Variants in MTG1 observed in about 807,000 individuals in gnomAD.
MTG1 encodes the protein mitochondrial ribosome-associated GTPase 1.
Under a neutral mutation model 39.5 loss-of-function variants are expected in MTG1, and 30 were observed. The ratio of observed to expected loss-of-function variants is 0.76; its 90% CI spans 0.57 to 1.03. The LOEUF (loss-of-function observed/expected upper bound fraction) is 1.03. MTG1 is among the 50% of genes least tolerant of loss of function. MTG1 has a pLI of 0.00. For synonymous variants in MTG1, 217 were observed against 179.0 expected (o/e 1.21, Z -1.69); for missense variants, 513 against 447.4 (o/e 1.15, Z -1.32).
At chr10:133,395,408 G>A (rs1849767534) in intron 1 of MTG1, among the ~76,000 whole-genome samples, 1 of 152,094 alleles carries the variant, frequency 6.6e-6, no homozygotes, top group Non-Finnish European at 1.5e-5. Context: ...AAACAAAAAA[G>A]CGACCCATGC....
At chr10:133,409,488 G>A (rs1372928025) in intron 9 of MTG1, among the ~76,000 whole-genome samples, 1 of 152,184 alleles carries the variant, frequency 6.6e-6, no homozygotes, top group African/African-American at 2.4e-5. Flanking sequence ...CCGATGAGAA[G>A]AATGTGTGTT....
chr10:133,408,028 C>T (rs1187267092), intron 9 of MTG1, among the ~76,000 whole-genome samples: 4 of 152,172 alleles, frequency 2.6e-5, no homozygotes. Flanking sequence ...ATAATTTTGA[C>T]TTCTTCCTCT....
At chr10:133,409,352 G>A (rs1231974078) in intron 9 of MTG1, among the ~76,000 whole-genome samples, 2 of 152,096 alleles carry the variant, frequency 1.3e-5, no homozygotes, top group Admixed American at 6.6e-5. Context: ...AGTTTTTGAG[G>A]TTCCTCTTGT....
intron 9 of MTG1, among the ~76,000 whole-genome samples, chr10:133,404,466 A>G (rs1849940186): frequency 8.8e-6 from 1 of 113,766 alleles, no homozygotes. Context: ...CAAGTCCTTA[A>G]TCAGAGATAC....
intron 9 of MTG1, among the ~76,000 whole-genome samples, chr10:133,418,857 T>C (rs1183620050): frequency 6.6e-6 from 1 of 152,116 alleles, no homozygotes; most frequent in Admixed American, 6.5e-5. Flanking sequence ...TGCTGGCCTT[T>C]CCCTCCAGGC....
At chr10:133,411,661 T>C (rs893211913) in intron 9 of MTG1, among the ~76,000 whole-genome samples, 1 of 152,168 alleles carries the variant, frequency 6.6e-6, no homozygotes, top group African/African-American at 2.4e-5. Flanking sequence ...TCTTTCCTCT[T>C]CTATATGTTT....
chr10:133,419,447 GCC>G (rs201624361), intron 9 of MTG1, 31 bp from the exon 10 acceptor site: 3 of 1,549,344 alleles, frequency 1.9e-6, no homozygotes, highest in Non-Finnish European at 2.6e-6. Flanking sequence ...TCAGTGCTGG[GCC>G]CCCTGGTGCT....
intron 7 of MTG1, 49 bp downstream of exon 7, chr10:133,401,639 G>A (rs369139895): frequency 4.4e-6 from 7 of 1,589,334 alleles, no homozygotes; most frequent in Non-Finnish European, 4.3e-6. Flanking sequence ...AGCTCTGCAG[G>A]CGTCTGGCAC....
At chr10:133,417,968 C>A (rs184576912) in intron 9 of MTG1, among the ~76,000 whole-genome samples, 2 of 152,306 alleles carry the variant, frequency 1.3e-5, no homozygotes, top group East Asian at 3.9e-4. Flanking sequence ...TTTATAGATT[C>A]AATGCCATCC....
chr10:133,396,322 C>T (rs1253542973), intron 3 of MTG1, 55 bp downstream of exon 3: 28 of 1,481,846 alleles, frequency 1.9e-5, no homozygotes, highest in South Asian at 5.7e-5. Context: ...TTCCCGAGGT[C>T]GCTTGTTCTA....
chr10:133,413,423 G>C (rs571750551), intron 9 of MTG1, among the ~76,000 whole-genome samples: 1 of 150,656 alleles, frequency 6.6e-6, no homozygotes, highest in South Asian at 2.1e-4. Flanking sequence ...TAATTTTTTT[G>C]TGTGTTTTTA....
intron 3 of MTG1, among the ~76,000 whole-genome samples, chr10:133,397,779 GT>G (rs35859911): frequency 0.015 from 2,030 of 139,370 alleles, 61 homozygotes; most frequent in African/African-American, 0.047. Flanking sequence ...CGTCCAGCCT[GT>G]TTTTTTTTTT....
At position 133,402,802 on chromosome 10, in the gene MTG1, G is replaced by T; in HGVS notation, c.752+29G>T. On this transcript the variant is annotated intron_variant, in intron 9 of 10. Coordinates refer to ENST00000317502, the MANE Select transcript of MTG1 (RefSeq NM_138384.4). This position sits in a 1 kb window ranked among gnomAD's most constrained non-coding sequence, Gnocchi z 4.7. ...AGTGCAGTGAATGCAGGGCAGCTGG[G>T]GCCCCTCCTCCTAGTCACCTCATTT... 6.5e-7 allele frequency: 1 copy of T among 1,538,424 alleles called. No individual in the cohort carries two copies. Among genetic ancestry groups the T allele is most frequent in the East Asian group, 2.3e-5 (1 of 43,260 alleles).
In MTG1 at chr10:133,394,282, C is replaced by A; in HGVS notation, c.62C>A (p.Pro21His). ...AAQAAWRENFPLCGRDVARWF... is the reference protein window; with the variant it reads ...AAQAAWRENFHLCGRDVARWF... ...CAGGCCGCCTGGCGGGAGAACTTCC[C>A]CCTGTGCGGTCGCGACGTGGCGCGC... Residue 21 changes from proline to histidine, a missense_variant, in exon 1 of 11, where the codon CCC (proline) becomes CAC (histidine). Transcript: ENST00000317502. 4.6e-6 allele frequency: 7 copies of A among 1,517,560 alleles called. No homozygotes were observed. The highest frequency in any genetic ancestry group is 6.2e-6 in the Non-Finnish European group (7 of 1,137,066). 94.0% of individuals were successfully genotyped at this position (1,517,560 alleles called of 1,614,324 possible).
chr10:133,403,324 T>C (rs1358219124), intron 9 of MTG1, among the ~76,000 whole-genome samples: 2 of 69,842 alleles, frequency 2.9e-5, no homozygotes, highest in African/African-American at 1.1e-4. Flanking sequence ...TGCTCCTCCT[T>C]CGTGAAATCA....
intron 9 of MTG1, among the ~76,000 whole-genome samples, chr10:133,414,547 G>A (rs544441346): frequency 7.3e-5 from 11 of 150,216 alleles, no homozygotes; most frequent in Non-Finnish European, 1.5e-4. Flanking sequence ...GGGCAGAGGC[G>A]CTCCCCACAT....
intron 9 of MTG1, among the ~76,000 whole-genome samples, chr10:133,407,398 T>C (rs1849983717): frequency 6.6e-6 from 1 of 152,220 alleles, no homozygotes; most frequent in Admixed American, 6.5e-5. Flanking sequence ...ATTTTAACAG[T>C]ATTCTTCTGA....
chr10:133,407,876 C>T (rs1389575167), intron 9 of MTG1, among the ~76,000 whole-genome samples: 4 of 152,164 alleles, frequency 2.6e-5, no homozygotes, highest in African/African-American at 9.6e-5. Context: ...GGCCTGATTT[C>T]TTTTTCCGAT....
chr10:133,415,920 C>T (rs1387259827), intron 9 of MTG1, among the ~76,000 whole-genome samples: 1 of 114,942 alleles, frequency 8.7e-6, no homozygotes, highest in Non-Finnish European at 1.9e-5. Flanking sequence ...CTCAGGCACA[C>T]AGGTATCACG....
Sources: gnomAD v4.1 joint callset for allele counts (sites outside exome capture counted in the v4.1 genomes callset) on GRCh38, gnomAD v4.1.1 for gene constraint, Gnocchi (gnomAD v3.1) non-coding constraint, MANE v1.5 for transcripts, NCBI Gene and HGNC (gene_info 2026-07-23, HGNC 2026-07-21) for gene names.